Variants in SLC66A2 observed in about 807,000 individuals in gnomAD.
The protein encoded by SLC66A2 is PQ loop repeat containing 1.
In SLC66A2, 23 loss-of-function variants were observed where a neutral mutation model predicts 25.5. That is an observed-to-expected ratio of 0.90 (90% CI 0.65 to 1.28). SLC66A2 has a LOEUF of 1.28. Among genes scored for constraint, SLC66A2 ranks in the 50% most tolerant of loss-of-function variants. SLC66A2 has a pLI of 0.00. For synonymous variants in SLC66A2, 193 were observed against 166.5 expected (o/e 1.16, Z -1.23); for missense variants, 396 against 373.1 (o/e 1.06, Z -0.51).
At chr18:79,942,385 C>T (rs774319166) in intron 3 of SLC66A2, among the ~76,000 whole-genome samples, 10 of 152,148 alleles carry the variant, frequency 6.6e-5, no homozygotes, top group Non-Finnish European at 1.5e-4. Context: ...AGGCTGAAAG[C>T]AGCACACAGT....
Position 79,904,802 on chromosome 18 carries a change from A to G in SLC66A2, c.609-619T>C, listed in dbSNP as rs370554734. Among the ~76,000 whole-genome samples, 4 of 152,200 alleles carry G rather than the reference A, an allele frequency of 2.6e-5. No individual in the cohort carries two copies. Among genetic ancestry groups the G allele is most frequent in the Non-Finnish European group, 5.9e-5 (4 of 68,028 alleles). ...ACACGCTTCCCCCACCGCTGTGTTC[A>G]TGCCCTGGCTTGCCTAGCAGTGAAC... On this transcript the variant is annotated intron_variant, in intron 5 of 5. Transcript: ENST00000397778. This position sits in a 1 kb window ranked among gnomAD's most constrained non-coding sequence, Gnocchi z 6.3.
At chr18:79,945,608 A>C (rs937386987) in intron 2 of SLC66A2, among the ~76,000 whole-genome samples, 6 of 152,344 alleles carry the variant, frequency 3.9e-5, no homozygotes, top group Middle Eastern at 3.4e-3. Context: ...CCGGGGATAG[A>C]GGACGGCCAG....
At position 79,918,480 on chromosome 18, in the gene SLC66A2, C is replaced by T. The variant is rs974337835; in HGVS notation, c.608+704G>A. Reference sequence around the variant, plus strand: ...GAGGGTCCCCAGTGAGGAGCGGCACCGGGGGGTCCCCAGTGAGGAGCGGGC... The same window carrying T: ...GAGGGTCCCCAGTGAGGAGCGGCACTGGGGGGTCCCCAGTGAGGAGCGGGC... On this transcript the variant is annotated intron_variant, in intron 5 of 5. Coordinates refer to ENST00000397778, the MANE Select transcript of SLC66A2 (RefSeq NM_025078.5). This position sits in a 1 kb window ranked among gnomAD's most constrained non-coding sequence, Gnocchi z 4.0. Among the ~76,000 whole-genome samples the T allele has an allele frequency of 6.7e-5, 10 of 149,222 alleles. No individual in the cohort carries two copies. Among genetic ancestry groups the T allele is most frequent in the Admixed American group, 2.0e-4 (3 of 14,898 alleles).
Position 79,919,344 on chromosome 18 carries a change from C to G in SLC66A2, c.448G>C (p.Val150Leu), listed in dbSNP as rs369594354. 6.2e-7 allele frequency: 1 copy of G among 1,613,288 alleles called. No homozygotes were observed. Among genetic ancestry groups the G allele is most frequent in the Non-Finnish European group, 8.5e-7 (1 of 1,180,032 alleles). ...CCCGCCACGCCCGTGAAGGCCAGGA[C>G]GCACTGCACGTAGTCCGAGAAGCTG... Reference protein sequence around the residue: ...WSSFSDYVQCVLAFTGVAGYI... With the variant: ...WSSFSDYVQCLLAFTGVAGYI... Residue 150 changes from valine (V) to leucine (L), a missense_variant, in exon 5 of 6, where the codon GTC (valine) becomes CTC (leucine). Coordinates refer to ENST00000397778, the MANE Select transcript of SLC66A2 (RefSeq NM_025078.5).
chr18:79,950,936 C>A lies in SLC66A2; in HGVS notation c.-10G>T, dbSNP rs1166453321. On this transcript the variant is annotated 5_prime_UTR_variant, in exon 2 of 6. Transcript: ENST00000397778. ...GGCCCTCGGCCTCCATCGCAGCGCC[C>A]GCCTGGCCGAGGCTGTCACGGGCTC... 6.5e-7 allele frequency: 1 copy of A among 1,537,128 alleles called. No homozygotes were observed.
Position 79,933,919 on chromosome 18 carries a change from A to C in SLC66A2, c.391+50T>G. The C allele has an allele frequency of 2.6e-6, 4 of 1,515,704 alleles. No individual in the cohort carries two copies. In the South Asian group the frequency reaches 3.5e-5, roughly 13 times the overall value. The allele number at this position is 1,515,704 out of a possible 1,614,324, so 93.9% of individuals were successfully genotyped here. ...CAACAGGAGGAAGTACAGCTGCAGG[A>C]ATGAAGCAAAAGGAACGTGCTGCGG... On this transcript the variant is annotated intron_variant, in intron 4 of 5. Transcript: ENST00000397778.
intron 2 of SLC66A2, among the ~76,000 whole-genome samples, chr18:79,948,267 G>C (rs2050999676): frequency 6.6e-6 from 1 of 152,206 alleles, no homozygotes; most frequent in Non-Finnish European, 1.5e-5. Context: ...GTGCCAGTTA[G>C]GTCATGAGGC....
In SLC66A2 at chr18:79,937,279, C is replaced by T. The variant is rs1323435717; in HGVS notation, c.338-3257G>A. 6.6e-6 allele frequency among the ~76,000 whole-genome samples: 1 copy of T among 152,142 alleles called. No homozygotes were observed. Among genetic ancestry groups the T allele is most frequent in the African/African-American group, 2.4e-5 (1 of 41,424 alleles). On this transcript the variant is annotated intron_variant, in intron 3 of 5. Coordinates refer to ENST00000397778, the MANE Select transcript of SLC66A2 (RefSeq NM_025078.5). The surrounding 1 kb of genome is among the most constrained non-coding windows in gnomAD (Gnocchi z 5.4). ...GCCGCCACACGAGCACCCTGTTATA[C>T]CAGGATCCTGTGTAGAAGCGAGACC...
At position 79,927,759 on chromosome 18, in the gene SLC66A2, C is replaced by T. The variant is rs1322683707; in HGVS notation, c.391+6210G>A. Among the ~76,000 whole-genome samples the T allele has an allele frequency of 2.0e-5, 3 of 152,296 alleles. No individual in the cohort carries two copies. Among genetic ancestry groups the T allele is most frequent in the South Asian group, 2.1e-4 (1 of 4,824 alleles). ...CCGTGCCGGCTTCCAAAGAGGACCCCGGGAAACAAACACCCTCCCACTCGG... is the reference window on the plus strand; with the variant it reads ...CCGTGCCGGCTTCCAAAGAGGACCCTGGGAAACAAACACCCTCCCACTCGG... On this transcript the variant is annotated intron_variant, in intron 4 of 5. Coordinates refer to ENST00000397778, the MANE Select transcript of SLC66A2 (RefSeq NM_025078.5). This position sits in a 1 kb window ranked among gnomAD's most constrained non-coding sequence, Gnocchi z 6.2.
intron 3 of SLC66A2, among the ~76,000 whole-genome samples, chr18:79,939,388 G>A (rs1987431961): frequency 6.6e-6 from 1 of 152,138 alleles, no homozygotes; most frequent in African/African-American, 2.4e-5. Flanking sequence ...ATTGACAAAG[G>A]GGATCTAATT....
chr18:79,907,353 G>GGT (rs1982277348), intron 5 of SLC66A2, among the ~76,000 whole-genome samples: 1 of 85,418 alleles, frequency 1.2e-5, no homozygotes, highest in African/African-American at 4.4e-5. Flanking sequence ...TTTTTTGGTT[G>GGT]TTTTTTTTTT....
chr18:79,922,860 G>A (rs1460351824), intron 4 of SLC66A2, among the ~76,000 whole-genome samples: 1 of 145,126 alleles, frequency 6.9e-6, no homozygotes, highest in Non-Finnish European at 1.5e-5. Flanking sequence ...TGAGGTTAGG[G>A]GGGCTTGGGG....
chr18:79,922,512 G>A lies in SLC66A2; in HGVS notation c.392-3112C>T, dbSNP rs545473129. On this transcript the variant is annotated intron_variant, in intron 4 of 5. Transcript: ENST00000397778. ...GATCTTGAGTTCTACAACACGCCTC[G>A]GCCACGGTGCCGCTCAGTAAATCCG... Among the ~76,000 whole-genome samples, 28 of 152,100 alleles carry A rather than the reference G, an allele frequency of 1.8e-4. No homozygotes were observed. The South Asian group carries it at 2.3e-3, about 12-fold the overall frequency.
rs183905113 is a variant in SLC66A2, at chr18:79,918,035, G to A, written c.608+1149C>T. 6.6e-6 allele frequency among the ~76,000 whole-genome samples: 1 copy of A among 151,142 alleles called. No individual in the cohort carries two copies. Among genetic ancestry groups the A allele is most frequent in the Non-Finnish European group, 1.5e-5 (1 of 67,704 alleles). Reference sequence around the variant, plus strand: ...ACTGCAACCCACACCTATAACCCTGGCCTGCACCTACATCTCACCCCCTAC... The same window carrying A: ...ACTGCAACCCACACCTATAACCCTGACCTGCACCTACATCTCACCCCCTAC... On this transcript the variant is annotated intron_variant, in intron 5 of 5. Coordinates refer to ENST00000397778, the MANE Select transcript of SLC66A2 (RefSeq NM_025078.5). The surrounding 1 kb of genome is among the most constrained non-coding windows in gnomAD (Gnocchi z 4.0).
intron 5 of SLC66A2, among the ~76,000 whole-genome samples, chr18:79,910,022 CAG>C (rs1982807388): frequency 7.3e-6 from 1 of 137,312 alleles, no homozygotes; most frequent in African/African-American, 2.8e-5. Flanking sequence ...ACACCCTCAC[CAG>C]AGTCCCCAGA....
At chr18:79,916,262 A>AGTGCTCCCGTACCCGTG (rs1175238532) in intron 5 of SLC66A2, among the ~76,000 whole-genome samples, 2,183 of 43,284 alleles carry the variant, frequency 0.05, 130 homozygotes, top group African/African-American at 0.1. Flanking sequence ...TCATAGCCGC[A>AGTGCTCCCGTACCCGTG]GTGCTCCCGT....
chr18:79,902,695 T>C lies in SLC66A2; in HGVS notation c.*1281A>G, dbSNP rs990877975. Reference sequence around the variant, plus strand: ...CCACGGCCCCGGCACAGAGCTCAGATGCCTGCGGGAAGCGGCCCCTCCACC... The same window carrying C: ...CCACGGCCCCGGCACAGAGCTCAGACGCCTGCGGGAAGCGGCCCCTCCACC... On this transcript the variant is annotated 3_prime_UTR_variant, in exon 6 of 6. Transcript: ENST00000397778. The C allele has an allele frequency of 3.3e-5, 5 of 152,302 alleles. No individual in the cohort carries two copies. The highest frequency in any genetic ancestry group is 1.9e-4 in the East Asian group (1 of 5,186). The allele number at this position is 152,302 out of a possible 1,614,324, so 9.4% of individuals were successfully genotyped here.
intron 3 of SLC66A2, among the ~76,000 whole-genome samples, chr18:79,935,799 GGA>G (rs145555593): frequency 3.3e-5 from 5 of 151,122 alleles, no homozygotes; most frequent in South Asian, 2.1e-4. Flanking sequence ...AGCGAGTGAG[GGA>G]GAGAGAGAGA....
At chr18:79,942,589 T>C (rs1012417048) in intron 3 of SLC66A2, among the ~76,000 whole-genome samples, 22 of 152,162 alleles carry the variant, frequency 1.4e-4, no homozygotes, top group African/African-American at 5.3e-4. Context: ...ACTCTCTCTC[T>C]CAAAGCCAAA....
Sources: allele counts gnomAD v4.1 joint callset (sites outside exome capture counted in the v4.1 genomes callset), GRCh38; gene constraint gnomAD v4.1.1; non-coding constraint Gnocchi (gnomAD v3.1); transcripts MANE v1.5; gene names NCBI Gene and HGNC (gene_info 2026-07-23, HGNC 2026-07-21).